ZC2HC1A: variants seen among roughly 807,000 people sequenced by gnomAD.
ZC2HC1A encodes zinc finger C2HC-type containing 1A.
ZC2HC1A carries 28 observed loss-of-function variants against 40.7 expected under a neutral mutation model. The ratio of observed to expected loss-of-function variants is 0.69; its 90% CI spans 0.51 to 0.94. ZC2HC1A has a LOEUF of 0.94. Among genes scored for constraint, ZC2HC1A ranks in the 40% least tolerant of loss-of-function variants. The pLI is 0.00. For missense variants in ZC2HC1A, 389 were observed against 386.3 expected (o/e 1.01, Z -0.06); for synonymous variants, 129 against 129.2 (o/e 1.00, Z 0.01).
At chr8:78,696,285 C>T (rs1402388812) in intron 5 of ZC2HC1A, among the ~76,000 whole-genome samples, 5 of 152,152 alleles carry the variant, frequency 3.3e-5, no homozygotes, top group Non-Finnish European at 7.4e-5. Flanking sequence ...CCACCTGCCT[C>T]GGCCTTCCAA....
At chr8:78,714,690 T>C (rs1811045149) in intron 7 of ZC2HC1A, among the ~76,000 whole-genome samples, 1 of 152,330 alleles carries the variant, frequency 6.6e-6, no homozygotes, top group South Asian at 2.1e-4. Flanking sequence ...TAGCCCAGGC[T>C]GTGCAGTTGG....
rs1554591494 is a variant in ZC2HC1A, at chr8:78,686,431, G to GTTTGTTTA, written c.211-33_211-32insGTTTATTT. 66 of 1,173,634 alleles carry GTTTGTTTA rather than the reference G, an allele frequency of 5.6e-5. 1 individual carries two copies. The Middle Eastern group carries it at 7.3e-4, about 13-fold the overall frequency. 72.7% of individuals were successfully genotyped at this position (1,173,634 alleles called of 1,614,324 possible). ...TCAATATACTAAAAAGATACTGTTT[G>GTTTGTTTA]TTTATTTATTTATTTATTTATTTAT... On this transcript the variant is annotated intron_variant, in intron 3 of 8. Transcript: ENST00000263849.
intron 7 of ZC2HC1A, among the ~76,000 whole-genome samples, chr8:78,704,242 G>T (rs1478883015): frequency 2.6e-5 from 4 of 151,900 alleles, no homozygotes; most frequent in African/African-American, 9.7e-5. Flanking sequence ...ACAAAAATTA[G>T]CCGGGTGTGG....
In ZC2HC1A at chr8:78,678,062, C is replaced by T. The variant is rs528558100; in HGVS notation, c.94-501C>T. Among the ~76,000 whole-genome samples, 25 of 152,220 alleles carry T rather than the reference C, an allele frequency of 1.6e-4. No individual in the cohort carries two copies. In the South Asian group the frequency reaches 5.0e-3, roughly 30 times the overall value. On this transcript the variant is annotated intron_variant, in intron 2 of 8. Transcript: ENST00000263849. ...GAGAATGACCAGAGGTCACTCTCGT[C>T]ACCATTTTTGTTTTGGTGGGTTTTG...
rs190443221 is a variant in ZC2HC1A, at chr8:78,682,043, A to G, written c.210+3364A>G. Among the ~76,000 whole-genome samples, 3 of 152,012 alleles carry G rather than the reference A, an allele frequency of 2.0e-5. No homozygotes were observed. The East Asian group carries it at 5.8e-4, about 29-fold the overall frequency. On this transcript the variant is annotated intron_variant, in intron 3 of 8. Coordinates refer to ENST00000263849, the MANE Select transcript of ZC2HC1A (RefSeq NM_016010.3). ...CAGGCATGAGCCGTCATACCTAGCC[A>G]TCTTTTAAAGTACCATCTTTTGACT... is the stretch of plus-strand genomic sequence containing the variant.
chr8:78,669,390 A>C (rs1402529241), intron 1 of ZC2HC1A, among the ~76,000 whole-genome samples: 1 of 152,232 alleles, frequency 6.6e-6, no homozygotes, highest in Non-Finnish European at 1.5e-5. Context: ...CATTTAGCTA[A>C]GTACCTAGTG....
chr8:78,690,433 G>A (rs559388674), intron 5 of ZC2HC1A, among the ~76,000 whole-genome samples: 46 of 152,020 alleles, frequency 3.0e-4, no homozygotes, highest in African/African-American at 9.2e-4. Context: ...GGTGGCGGGC[G>A]CCTGTAGTCC....
At chr8:78,684,434 G>A (rs1809889756) in intron 3 of ZC2HC1A, among the ~76,000 whole-genome samples, 1 of 152,130 alleles carries the variant, frequency 6.6e-6, no homozygotes, top group South Asian at 2.1e-4. Context: ...GGACGGCATG[G>A]GAGAAACCTG....
At chr8:78,672,327 A>G (rs2369439) in intron 1 of ZC2HC1A, among the ~76,000 whole-genome samples, 2,043 of 152,218 alleles carry the variant, frequency 0.013, 26 homozygotes, top group South Asian at 0.031. Context: ...TGTGTGTGTG[A>G]GGTCAGAATA....
intron 7 of ZC2HC1A, among the ~76,000 whole-genome samples, chr8:78,711,608 A>G (rs1421699699): frequency 6.6e-6 from 1 of 152,134 alleles, no homozygotes; most frequent in Non-Finnish European, 1.5e-5. Flanking sequence ...AAGAGTAGAG[A>G]AAGTTTCCAT....
intron 5 of ZC2HC1A, among the ~76,000 whole-genome samples, chr8:78,691,512 T>C (rs10112388): frequency 0.69 from 104,110 of 151,858 alleles, 36,528 homozygotes; most frequent in East Asian, 0.91. Flanking sequence ...TATTTCTTTT[T>C]TTAAAATCAA....
chr8:78,689,122 T>C (rs1157919924), intron 4 of ZC2HC1A, 100 bp from the exon 5 acceptor site: 3 of 851,394 alleles, frequency 3.5e-6, no homozygotes, highest in Non-Finnish European at 3.2e-6. Context: ...TCAGATGTTA[T>C]TACTTATATT....
chr8:78,689,595 C>T (rs1234957729), intron 5 of ZC2HC1A, among the ~76,000 whole-genome samples: 1 of 151,680 alleles, frequency 6.6e-6, no homozygotes, highest in African/African-American at 2.4e-5. Flanking sequence ...TTCCCTTTTT[C>T]TATGTGGATA....
intron 3 of ZC2HC1A, among the ~76,000 whole-genome samples, chr8:78,682,084 A>G (rs1809806867): frequency 6.6e-6 from 1 of 152,096 alleles, no homozygotes; most frequent in African/African-American, 2.4e-5. Context: ...GATTCAACAC[A>G]TAATTCTTGA....
intron 6 of ZC2HC1A, among the ~76,000 whole-genome samples, chr8:78,697,896 T>C (rs1279009441): frequency 6.6e-6 from 1 of 152,066 alleles, no homozygotes; most frequent in African/African-American, 2.4e-5. Context: ...GCCAGGATAA[T>C]CTCTATCTCC....
intron 7 of ZC2HC1A, among the ~76,000 whole-genome samples, chr8:78,708,926 A>C (rs934670049): frequency 6.6e-6 from 1 of 152,140 alleles, no homozygotes; most frequent in Non-Finnish European, 1.5e-5. Flanking sequence ...TCGGTTTCCC[A>C]AATTGCTGGG....
intron 1 of ZC2HC1A, among the ~76,000 whole-genome samples, chr8:78,668,166 C>G (rs1417979955): frequency 1.3e-5 from 2 of 151,912 alleles, no homozygotes; most frequent in Non-Finnish European, 2.9e-5. Flanking sequence ...CTCCTTCTCC[C>G]CTCTCCCTCC....
At chr8:78,712,108 T>G in intron 7 of ZC2HC1A, 1 of 1,273,016 alleles carries the variant, frequency 7.9e-7, no homozygotes. Context: ...TATTTACAAG[T>G]AAGTATTTGT....
chr8:78,688,792 A>C (rs1810108773), intron 4 of ZC2HC1A, among the ~76,000 whole-genome samples: 1 of 152,128 alleles, frequency 6.6e-6, no homozygotes, highest in African/African-American at 2.4e-5. Flanking sequence ...CCATTTGATG[A>C]AATAAAAAAT....
Sources: gnomAD v4.1 joint callset for allele counts (sites outside exome capture counted in the v4.1 genomes callset) on GRCh38, gnomAD v4.1.1 for gene constraint, MANE v1.5 for transcripts, NCBI Gene and HGNC (gene_info 2026-07-23, HGNC 2026-07-21) for gene names.